Variants in ANO3 observed in about 807,000 individuals in gnomAD.
The protein encoded by ANO3 is anoctamin 3.
ANO3 carries 99 observed loss-of-function variants against 144.8 expected under a neutral mutation model. The ratio of observed to expected loss-of-function variants is 0.68; its 90% CI spans 0.58 to 0.81. ANO3 has a LOEUF of 0.81. Ranked by LOEUF, ANO3 falls within the 30% of genes least tolerant of loss-of-function variation. ANO3 has a pLI of 0.00. For missense variants in ANO3, 905 were observed against 1,202.2 expected (o/e 0.75, Z 3.66); for synonymous variants, 414 against 392.6 (o/e 1.05, Z -0.64).
intron 1 of ANO3, among the ~76,000 whole-genome samples, chr11:26,373,979 A>G (rs909826528): frequency 6.6e-6 from 1 of 152,194 alleles, no homozygotes; most frequent in Non-Finnish European, 1.5e-5. Flanking sequence ...TAATTTTTAT[A>G]TAGATTTAAA....
chr11:26,280,094 A>G (rs1404903901), intron 1 of ANO3, among the ~76,000 whole-genome samples: 1 of 152,180 alleles, frequency 6.6e-6, no homozygotes, highest in Non-Finnish European at 1.5e-5. Context: ...TTTCACAACC[A>G]TAGTAAAATT....
At chr11:26,295,318 A>G (rs1590240766) in intron 1 of ANO3, among the ~76,000 whole-genome samples, 1 of 152,030 alleles carries the variant, frequency 6.6e-6, no homozygotes, top group South Asian at 2.1e-4. Flanking sequence ...GGAGATCGAG[A>G]CCATCCTGGC....
At chr11:26,592,388 G>A (rs1341808260) in intron 14 of ANO3, among the ~76,000 whole-genome samples, 2 of 151,948 alleles carry the variant, frequency 1.3e-5, no homozygotes, top group African/African-American at 4.8e-5. Context: ...CTGGGTTACT[G>A]AAGCCTTGAA....
chr11:26,641,241 T>C (rs1200079371), intron 21 of ANO3, among the ~76,000 whole-genome samples: 2 of 152,208 alleles, frequency 1.3e-5, no homozygotes, highest in Non-Finnish European at 2.9e-5. Flanking sequence ...CTAGTAATTA[T>C]TGTTCACTAC....
At chr11:26,197,299 T>C (rs574987526) in intron 1 of ANO3, among the ~76,000 whole-genome samples, 1 of 152,284 alleles carries the variant, frequency 6.6e-6, no homozygotes, top group Non-Finnish European at 1.5e-5. Context: ...GAAAACACTG[T>C]CTGTATTGAA....
intron 17 of ANO3, among the ~76,000 whole-genome samples, chr11:26,610,904 T>C (rs1852081003): frequency 6.6e-6 from 1 of 152,150 alleles, no homozygotes; most frequent in South Asian, 2.1e-4. Flanking sequence ...AGTTCATCTA[T>C]GTTCGCAAAC....
At chr11:26,651,867 A>G (rs991743577) in intron 24 of ANO3, among the ~76,000 whole-genome samples, 2 of 152,186 alleles carry the variant, frequency 1.3e-5, no homozygotes, top group Admixed American at 6.5e-5. Flanking sequence ...TAAAATATAT[A>G]TGTTTTAAGG....
At chr11:26,575,982 T>C (rs1257009676) in intron 14 of ANO3, among the ~76,000 whole-genome samples, 1 of 152,222 alleles carries the variant, frequency 6.6e-6, no homozygotes, top group Non-Finnish European at 1.5e-5. Flanking sequence ...AGAATGATAC[T>C]TTTGCTGACG....
intron 1 of ANO3, among the ~76,000 whole-genome samples, chr11:26,294,130 A>C (rs1038456409): frequency 6.6e-6 from 1 of 152,144 alleles, no homozygotes; most frequent in African/African-American, 2.4e-5. Context: ...AATACGTTTA[A>C]AGGACTGTTG....
chr11:26,432,809 T>C (rs893895926), intron 1 of ANO3, among the ~76,000 whole-genome samples: 1 of 152,192 alleles, frequency 6.6e-6, no homozygotes, highest in African/African-American at 2.4e-5. Flanking sequence ...TGTAGTCCTG[T>C]AGTATAGTTT....
intron 12 of ANO3, among the ~76,000 whole-genome samples, chr11:26,548,504 A>G (rs1849847179): frequency 6.6e-6 from 1 of 151,990 alleles, no homozygotes; most frequent in Non-Finnish European, 1.5e-5. Flanking sequence ...ACTGAACATG[A>G]CAGTTAATGC....
chr11:26,247,726 C>T (rs374816754), intron 1 of ANO3, among the ~76,000 whole-genome samples: 28 of 104,186 alleles, frequency 2.7e-4, no homozygotes, highest in South Asian at 3.6e-4. Context: ...GCTCCAGTCA[C>T]TTTTTTTTTT....
chr11:26,286,074 A>T (rs958712243), intron 1 of ANO3: 1 of 152,224 alleles, frequency 6.6e-6, no homozygotes, highest in Admixed American at 6.5e-5. Flanking sequence ...TTGTCCCATC[A>T]TAACAGATGG....
chr11:26,523,006 T>C (rs747746917), intron 6 of ANO3, among the ~76,000 whole-genome samples: 1 of 152,154 alleles, frequency 6.6e-6, no homozygotes, highest in African/African-American at 2.4e-5. Context: ...TAAACGGAAA[T>C]GGTTTAATTG....
At chr11:26,540,648 C>T (rs1231769292) in intron 10 of ANO3, among the ~76,000 whole-genome samples, 1 of 152,124 alleles carries the variant, frequency 6.6e-6, no homozygotes, top group East Asian at 1.9e-4. Context: ...TATGAACAGA[C>T]ACTTCTCAAA....
At chr11:26,324,406 C>G (rs1037737084) in intron 1 of ANO3, among the ~76,000 whole-genome samples, 8 of 152,128 alleles carry the variant, frequency 5.3e-5, no homozygotes, top group African/African-American at 1.9e-4. Flanking sequence ...CACTGAGACC[C>G]TCAGCAAGAA....
intron 1 of ANO3, among the ~76,000 whole-genome samples, chr11:26,326,058 A>AT (rs1374640713): frequency 1.3e-5 from 2 of 152,242 alleles, no homozygotes; most frequent in Non-Finnish European, 2.9e-5. Context: ...CCAAGTGCTG[A>AT]TTTTTTTCAG....
intron 4 of ANO3, among the ~76,000 whole-genome samples, chr11:26,481,396 C>T (rs1016035048): frequency 6.6e-6 from 1 of 152,104 alleles, no homozygotes; most frequent in Non-Finnish European, 1.5e-5. Context: ...TACAATCTAT[C>T]CTCATTTTTC....
At chr11:26,269,502 G>C (rs765039929) in intron 1 of ANO3, among the ~76,000 whole-genome samples, 4 of 152,326 alleles carry the variant, frequency 2.6e-5, no homozygotes, top group Non-Finnish European at 5.9e-5. Context: ...CTCCATGGGG[G>C]AAAATATGGA....
Sources: gnomAD v4.1 joint callset for allele counts (sites outside exome capture counted in the v4.1 genomes callset) on GRCh38, gnomAD v4.1.1 for gene constraint, MANE v1.5 for transcripts, NCBI Gene and HGNC (gene_info 2026-07-23, HGNC 2026-07-21) for gene names.